PLXNA3: variants seen among roughly 807,000 people sequenced by gnomAD.
PLXNA3 encodes plexin-A3.
PLXNA3 carries 52 observed loss-of-function variants against 118.8 expected under a neutral mutation model. That is an observed-to-expected ratio of 0.44 (90% CI 0.35 to 0.55). The LOEUF is 0.55. PLXNA3 is among the 20% of genes least tolerant of loss of function. PLXNA3 has a pLI of 0.01. For missense variants in PLXNA3, 1,660 were observed against 1,730.8 expected (o/e 0.96, Z 0.73); for synonymous variants, 925 against 762.4 (o/e 1.21, Z -3.51).
chrX:154,458,793 C>T (rs1222693657), intron 1 of PLXNA3, among the ~76,000 whole-genome samples: 1 of 112,194 alleles, frequency 8.9e-6, no homozygotes, highest in Non-Finnish European at 1.9e-5. Flanking sequence ...CGTGGGGCTG[C>T]CCCTTCCTCA....
Position 154,463,958 on chromosome X carries a change from C to G in PLXNA3, c.1555C>G (p.Arg519Gly). The G allele has an allele frequency of 1.7e-6, 2 of 1,171,057 alleles. No individual in the cohort carries two copies. The highest frequency in any genetic ancestry group is 2.3e-6 in the Non-Finnish European group (2 of 875,960). The change falls in exon 7 of 33, where the codon CGC (arginine) becomes GGC (glycine). Residue 519 changes from arginine (R) to glycine (G), a missense_variant. Arg to Gly is a moderately radical substitution (Grantham distance 125). Coordinates refer to ENST00000369682, the MANE Select transcript of PLXNA3 (RefSeq NM_017514.5). ...TGGCCCGACCCCGTGCAGGTGCTGCCGCGAAGGGGCCTGTCTGGGCGCCTC... is the reference window on the plus strand; with the variant it reads ...TGGCCCGACCCCGTGCAGGTGCTGCGGCGAAGGGGCCTGTCTGGGCGCCTC... ...GWCVLRHRCC[R>G]EGACLGASAP...
In PLXNA3 at chrX:154,460,275, C is replaced by G. The variant is rs1278961596; in HGVS notation, c.92C>G (p.Thr31Ser). The change falls in exon 2 of 33, where the codon ACC (threonine) becomes AGC (serine). Residue 31 changes from threonine (T) to serine (S), a missense_variant. Physicochemically the swap from Thr to Ser is moderately conservative, Grantham distance 58. Transcript: ENST00000369682. ...TTCCGTGCCTTCGTGGTGACAGACA[C>G]CACGCTTACCCACCTGGCTGTGCAC... ...RPFRAFVVTDTTLTHLAVHRV... is the reference protein window; with the variant it reads ...RPFRAFVVTDSTLTHLAVHRV... 8.3e-7 allele frequency: 1 copy of G among 1,208,720 alleles called. No homozygotes were observed. Among genetic ancestry groups the G allele is most frequent in the South Asian group, 1.8e-5 (1 of 56,955 alleles).
Position 154,462,144 on chromosome X carries a change from G to A in PLXNA3, c.1151G>A (p.Gly384Asp). 1 of 1,195,155 alleles carries A rather than the reference G, an allele frequency of 8.4e-7. No individual in the cohort carries two copies. The highest frequency in any genetic ancestry group is 1.7e-5 in the African/African-American group (1 of 57,178). ...TTTCACCAGCCCATGCAGATCAACG[G>A]CAACTTCTGTGGGCTGGTGTTGAAC... ...PCINTPMQIN[G>D]NFCGLVLNQP... is the part of the protein sequence containing the mutation. Residue 384 changes from glycine to aspartate, a missense_variant, in exon 4 of 33, where the codon GGC becomes GAC. Physicochemically the swap from Gly to Asp is moderately conservative, Grantham distance 94. Around this residue, in one of 2 missense-constraint regions of PLXNA3, gnomAD observed 791 missense variants for 652.1 expected, o/e 1.21. Transcript: ENST00000369682.
At chrX:154,458,862 G>T (rs1214683796) in intron 1 of PLXNA3, among the ~76,000 whole-genome samples, 1 of 111,865 alleles carries the variant, frequency 8.9e-6, no homozygotes, top group Non-Finnish European at 1.9e-5. Flanking sequence ...ACAGGTGGGG[G>T]CTGGGCCTGA....
At position 154,460,707 on chromosome X, in the gene PLXNA3, C is replaced by T. The variant is rs138319096; in HGVS notation, c.524C>T (p.Ser175Leu). 1.1e-4 allele frequency: 129 copies of T among 1,141,755 alleles called. No individual in the cohort carries two copies. Among genetic ancestry groups the T allele is most frequent in the Middle Eastern group, 2.5e-4 (1 of 4,056 alleles). The allele number at this position is 1,141,755 out of a possible 1,213,427, so 94.1% of individuals were successfully genotyped here. ...GTGGGCACTGCTGTCGACGGCAAGT[C>T]GGAGTACTTCCCCACCTTGAGCTCC... Reference protein sequence around the residue: ...LFVGTAVDGKSEYFPTLSSRK... With the variant: ...LFVGTAVDGKLEYFPTLSSRK... The change falls in exon 2 of 33, where the codon TCG becomes TTG. Residue 175 changes from serine to leucine, a missense_variant. Physicochemically the swap from Ser to Leu is moderately radical, Grantham distance 145 (BLOSUM62 -2). Transcript: ENST00000369682.
At position 154,464,543 on chromosome X, in the gene PLXNA3, A is replaced by T. The variant is rs375436865; in HGVS notation, c.1928+42A>T. On this transcript the variant is annotated intron_variant, in intron 9 of 32. Coordinates refer to ENST00000369682, the MANE Select transcript of PLXNA3 (RefSeq NM_017514.5). Reference sequence around the variant, plus strand: ...CACCCGTCCCTACCCCTGGGGATAGAGGGGACCTCTGGGACAGGCGACACC... The same window carrying T: ...CACCCGTCCCTACCCCTGGGGATAGTGGGGACCTCTGGGACAGGCGACACC... 9 of 1,094,456 alleles carry T rather than the reference A, an allele frequency of 8.2e-6. No homozygotes were observed. In the African/African-American group the frequency reaches 1.6e-4, roughly 20 times the overall value. The allele number at this position is 1,094,456 out of a possible 1,213,427, so 90.2% of individuals were successfully genotyped here. A position where few individuals can be genotyped will look rare whatever the true frequency, so the allele number is the denominator to read the frequency against.
chrX:154,467,647 C>A lies in PLXNA3; in HGVS notation c.3544C>A (p.Leu1182Met), dbSNP rs782160781. 8.3e-7 allele frequency: 1 copy of A among 1,210,342 alleles called. No homozygotes were observed. Among genetic ancestry groups the A allele is most frequent in the Non-Finnish European group, 1.1e-6 (1 of 895,280 alleles). Residue 1182 changes from leucine to methionine, a missense_variant, in exon 20 of 33, where the codon CTG becomes ATG. This residue lies in a region of PLXNA3 where 869 missense variants were observed against 1,078.7 expected (regional missense o/e 0.81). Coordinates refer to ENST00000369682, the MANE Select transcript of PLXNA3 (RefSeq NM_017514.5). Reference protein sequence around the residue: ...CSLTVSDTQLLCDSPSQTGRQ... With the variant: ...CSLTVSDTQLMCDSPSQTGRQ... Reference sequence around the variant, plus strand: ...GCTCACTGTCTCGGACACACAACTCCTGTGCGACTCACCCAGCCAGACTGG... The same window carrying A: ...GCTCACTGTCTCGGACACACAACTCATGTGCGACTCACCCAGCCAGACTGG...
chrX:154,468,115 T>A lies in PLXNA3; in HGVS notation c.3854T>A (p.Leu1285Gln). The change falls in exon 22 of 33, where the codon CTG becomes CAG. Residue 1285 changes from leucine to glutamine, a missense_variant. Physicochemically the swap from Leu to Gln is moderately radical, Grantham distance 113. Coordinates refer to ENST00000369682, the MANE Select transcript of PLXNA3 (RefSeq NM_017514.5). ...FAELQTDINE[L>Q]TNHMDEVQIP... ...GAGCTGCAGACGGACATCAATGAGC[T>A]GACTAACCACATGGACGAGGTGCAG... 8.4e-7 allele frequency: 1 copy of A among 1,192,939 alleles called. No individual in the cohort carries two copies. Among genetic ancestry groups the A allele is most frequent in the Non-Finnish European group, 1.1e-6 (1 of 884,400 alleles).
chrX:154,467,048 T>C lies in PLXNA3; in HGVS notation c.3108-9T>C. 8.3e-7 allele frequency: 1 copy of C among 1,200,366 alleles called. No homozygotes were observed. The highest frequency in any genetic ancestry group is 1.1e-6 in the Non-Finnish European group (1 of 885,862). ...AGGAGGGAGCCTGAGGCCCCTGCCC[T>C]GTCCCTAGTGGAAGCACTGCCATCA... is the stretch of plus-strand genomic sequence containing the variant. On this transcript the variant is annotated splice_polypyrimidine_tract_variant and intron_variant, in intron 17 of 32. Coordinates refer to ENST00000369682, the MANE Select transcript of PLXNA3 (RefSeq NM_017514.5).
chrX:154,460,110 C>T, intron 1 of PLXNA3, 47 bp from the exon 2 acceptor site: 1 of 719,464 alleles, frequency 1.4e-6, no homozygotes, highest in Non-Finnish European at 2.1e-6. Context: ...ATGGCCCAGC[C>T]CTCTGTGGCT....
Position 154,467,894 on chromosome X carries a change from T to A in PLXNA3, c.3713T>A (p.Val1238Glu). ...GGLLLLAITA[V>E]LVAYKRKTQD... Reference sequence around the variant, plus strand: ...CTCCTGCTGCTGGCCATCACAGCCGTGCTGGTGGCCTACAAGCGCAAGACT... The same window carrying A: ...CTCCTGCTGCTGGCCATCACAGCCGAGCTGGTGGCCTACAAGCGCAAGACT... Residue 1238 changes from valine (V) to glutamate (E), a missense_variant, in exon 21 of 33, where the codon GTG becomes GAG. Physicochemically the swap from Val to Glu is moderately radical, Grantham distance 121. This residue lies in a region of PLXNA3 where 869 missense variants were observed against 1,078.7 expected (regional missense o/e 0.81). Transcript: ENST00000369682. The A allele has an allele frequency of 8.3e-7, 1 of 1,209,687 alleles. No individual in the cohort carries two copies. Among genetic ancestry groups the A allele is most frequent in the Non-Finnish European group, 1.1e-6 (1 of 894,856 alleles).
Position 154,468,896 on chromosome X carries a change from C to T in PLXNA3, c.4361C>T (p.Ala1454Val). The T allele has an allele frequency of 8.3e-7, 1 of 1,211,376 alleles. No individual in the cohort carries two copies. Among genetic ancestry groups the T allele is most frequent in the South Asian group, 1.8e-5 (1 of 56,990 alleles). ...KQQMEKGPID[A>V]ITGEARYSLS... The stretch of plus-strand genomic sequence containing the variant: ...CAGATGGAGAAGGGCCCCATTGATG[C>T]CATCACGGGCGAGGCACGATACTCC... The change falls in exon 25 of 33, where the codon GCC (alanine) becomes GTC (valine). Residue 1454 changes from alanine (A) to valine (V), a missense_variant. Transcript: ENST00000369682.
At chrX:154,459,238 C>T (rs915164412) in intron 1 of PLXNA3, among the ~76,000 whole-genome samples, 84 of 105,616 alleles carry the variant, frequency 8.0e-4, no homozygotes, top group Non-Finnish European at 1.3e-3. Flanking sequence ...GAGAGGGTAG[C>T]GCTGAGCCCT....
chrX:154,470,117 G>C lies in PLXNA3; in HGVS notation c.4936G>C (p.Gly1646Arg). ...TGCCGACCATCGCGAGGGGGACCGT[G>C]GCAGCAAGATGGTCTCCGAGATCTA... Reference protein sequence around the residue: ...DHADHREGDRGSKMVSEIYLT... With the variant: ...DHADHREGDRRSKMVSEIYLT... Residue 1646 changes from glycine (G) to arginine (R), a missense_variant, in exon 29 of 33, where the codon GGC (glycine) becomes CGC (arginine). By Grantham distance (125) the Gly-to-Arg change is moderately radical. Transcript: ENST00000369682. 1 of 1,208,491 alleles carries C rather than the reference G, an allele frequency of 8.3e-7. No homozygotes were observed. The highest frequency in any genetic ancestry group is 1.1e-6 in the Non-Finnish European group (1 of 894,568).
chrX:154,470,799 G>T, intron 30 of PLXNA3, 188 bp downstream of exon 30: 1 of 466,477 alleles, frequency 2.1e-6, no homozygotes, highest in Non-Finnish European at 3.6e-6. Context: ...GAGCTGGACT[G>T]CCTGGGTGGG....
At position 154,475,759 on chromosome X, in the gene PLXNA3, A is replaced by G. The variant is rs1323195446; in HGVS notation, c.*3074A>G. On this transcript the variant is annotated 3_prime_UTR_variant, in exon 33 of 33. Transcript: ENST00000369682. Reference sequence around the variant, plus strand: ...GGAGATGGTTGAAAATACTACCATCATATGATAATGACAACTAAGCCACAG... The same window carrying G: ...GGAGATGGTTGAAAATACTACCATCGTATGATAATGACAACTAAGCCACAG... The G allele has an allele frequency of 1.8e-5, 2 of 112,425 alleles. No homozygotes were observed. The highest frequency in any genetic ancestry group is 3.8e-5 in the Non-Finnish European group (2 of 53,271). 9.3% of individuals were successfully genotyped at this position (112,425 alleles called of 1,213,427 possible).
rs1211002965 is a variant in PLXNA3, at chrX:154,472,009, C to T, written c.5520+371C>T. 8.0e-5 allele frequency among the ~76,000 whole-genome samples: 9 copies of T among 112,126 alleles called. No homozygotes were observed. The East Asian group carries it at 2.5e-3, about 31-fold the overall frequency. On this transcript the variant is annotated intron_variant, in intron 32 of 32. Coordinates refer to ENST00000369682, the MANE Select transcript of PLXNA3 (RefSeq NM_017514.5). ...GTGGATGGCATTTAAAGCCCTGAGCCTGGATGAGCTCACAGGGAAGCCACA... is the reference window on the plus strand; with the variant it reads ...GTGGATGGCATTTAAAGCCCTGAGCTTGGATGAGCTCACAGGGAAGCCACA...
rs1402595087 is a variant in PLXNA3, at chrX:154,474,290, T to C, written c.*1605T>C. On this transcript the variant is annotated 3_prime_UTR_variant, in exon 33 of 33. Coordinates refer to ENST00000369682, the MANE Select transcript of PLXNA3 (RefSeq NM_017514.5). The stretch of plus-strand genomic sequence containing the variant: ...CAGCCTCCTGAATAGCTGGGTGTAT[T>C]AGTGCACTCTACTATGCCAGGCTTT... 1 of 99,946 alleles carries C rather than the reference T, an allele frequency of 1.0e-5. No individual in the cohort carries two copies. Among genetic ancestry groups the C allele is most frequent in the African/African-American group, 3.6e-5 (1 of 27,406 alleles). The allele number at this position is 99,946 out of a possible 1,213,427, so 8.2% of individuals were successfully genotyped here.
In PLXNA3 at chrX:154,466,164, T is replaced by C; in HGVS notation, c.2693T>C (p.Met898Thr). ...YISAERIVCE[M>T]EESLVPSPPP... is the part of the protein sequence containing the mutation. ...CTGAGCCCTAGGATCGTGTGTGAGA[T>C]GGAGGAGTCGCTGGTGCCCAGCCCG... Residue 898 changes from methionine (M) to threonine (T), a missense_variant, in exon 15 of 33, where the codon ATG becomes ACG. Met to Thr is a moderately conservative substitution (Grantham distance 81). Coordinates refer to ENST00000369682, the MANE Select transcript of PLXNA3 (RefSeq NM_017514.5). The C allele has an allele frequency of 8.3e-7, 1 of 1,210,224 alleles. No individual in the cohort carries two copies.
Sources: allele counts gnomAD v4.1 joint callset (sites outside exome capture counted in the v4.1 genomes callset), GRCh38; gene constraint gnomAD v4.1.1; regional missense constraint gnomAD v4.1.1; transcripts MANE v1.5; gene names NCBI Gene and HGNC (gene_info 2026-07-23, HGNC 2026-07-21).